The following SHANK2 variants were observed in gnomAD, a reference collection of about 807,000 sequenced individuals.
SHANK2 encodes SH3 and multiple ankyrin repeat domains 2, also known as SH3 and multiple ankyrin repeat domains protein 2.
In SHANK2, 43 loss-of-function variants were observed where a neutral mutation model predicts 133.7. The observed-to-expected ratio is 0.32, with a 90% confidence interval of 0.25 to 0.41. SHANK2 has a LOEUF of 0.41. SHANK2 is among the 10% of genes least tolerant of loss of function. The pLI, the probability that SHANK2 is intolerant of heterozygous loss-of-function variation, is 1.00. For missense variants in SHANK2, 1,994 were observed against 2,235.8 expected (o/e 0.89, Z 2.18); for synonymous variants, 1,017 against 952.8 (o/e 1.07, Z -1.24).
chr11:70,770,664 A>G (rs1947228295), intron 14 of SHANK2, among the ~76,000 whole-genome samples: 1 of 152,218 alleles, frequency 6.6e-6, no homozygotes, highest in East Asian at 1.9e-4. Context: ...GTAACCGTTT[A>G]CAAATAAAAA....
intron 17 of SHANK2, among the ~76,000 whole-genome samples, chr11:70,510,733 G>A (rs1226142049): frequency 1.3e-5 from 2 of 152,192 alleles, no homozygotes; most frequent in East Asian, 1.9e-4. Context: ...GCGAGTCATA[G>A]CACAGTGAGT....
intron 5 of SHANK2, among the ~76,000 whole-genome samples, chr11:71,110,488 C>T (rs373371168): frequency 7.2e-5 from 11 of 152,158 alleles, no homozygotes; most frequent in East Asian, 5.8e-4. Flanking sequence ...ACATGTGATT[C>T]CAGCTACTTG....
chr11:71,112,439 G>A (rs781853549), intron 5 of SHANK2, among the ~76,000 whole-genome samples: 1 of 152,242 alleles, frequency 6.6e-6, no homozygotes, highest in South Asian at 2.1e-4. Flanking sequence ...TAAGGAGGAG[G>A]GGCAGCAAAA....
At chr11:70,634,516 T>C (rs1263590353) in intron 17 of SHANK2, 13 of 152,214 alleles carry the variant, frequency 8.5e-5, no homozygotes, top group African/African-American at 3.1e-4. Flanking sequence ...GTATCCAGAA[T>C]GTGCAGAAAA....
In SHANK2 at chr11:70,555,053, C is replaced by T. The variant is rs541661493; in HGVS notation, c.2062-52122G>A. Among the ~76,000 whole-genome samples, 5 of 152,190 alleles carry T rather than the reference C, an allele frequency of 3.3e-5. No homozygotes were observed. In the South Asian group the frequency reaches 8.3e-4, roughly 25 times the overall value. On this transcript the variant is annotated intron_variant, in intron 17 of 25. Coordinates refer to ENST00000601538, the MANE Select transcript of SHANK2 (RefSeq NM_012309.5). ...ATATTCCAAACTTTCTGTCTGTTATCGTGATCTGTGATCTATACTTTTTGA... is the reference window on the plus strand; with the variant it reads ...ATATTCCAAACTTTCTGTCTGTTATTGTGATCTGTGATCTATACTTTTTGA...
intron 11 of SHANK2, among the ~76,000 whole-genome samples, chr11:70,866,336 A>C (rs1430162407): frequency 1.3e-5 from 2 of 152,160 alleles, no homozygotes; most frequent in Non-Finnish European, 2.9e-5. Context: ...GGATCTAGTC[A>C]CAGAAAATGG....
chr11:71,135,482 G>GTTTTTT (rs71949830), intron 3 of SHANK2, among the ~76,000 whole-genome samples: 3 of 115,672 alleles, frequency 2.6e-5, no homozygotes, highest in Non-Finnish European at 5.3e-5. Flanking sequence ...GGGGGGATAT[G>GTTTTTT]TTTTTTTTTT....
intron 3 of SHANK2, among the ~76,000 whole-genome samples, chr11:71,137,969 G>A (rs1555105101): frequency 6.6e-6 from 1 of 151,526 alleles, no homozygotes; most frequent in African/African-American, 2.4e-5. Context: ...TCTCACAATG[G>A]GCGGGCGCAC....
rs1414821157 is a variant in SHANK2 at position 71,210,220 on chromosome 11, A to G, written c.-13+14477T>C. Among the ~76,000 whole-genome samples the G allele has an allele frequency of 4.9e-4, 29 of 58,816 alleles. 1 individual carries two copies. Among genetic ancestry groups the G allele is most frequent in the Admixed American group, 3.3e-3 (18 of 5,474 alleles). The allele number at this position is 58,816 out of a possible 152,430, so 38.6% of individuals were successfully genotyped here. On this transcript the variant is annotated intron_variant, in intron 2 of 25. Coordinates refer to ENST00000601538, the MANE Select transcript of SHANK2 (RefSeq NM_012309.5). ...ATTGGAAATCCACAGGTATATATAT[A>G]TATATATATATATATATATATATAT...
chr11:70,891,607 G>A (rs1356149464), intron 11 of SHANK2, among the ~76,000 whole-genome samples: 3 of 152,164 alleles, frequency 2.0e-5, no homozygotes, highest in Non-Finnish European at 2.9e-5. Flanking sequence ...CCTTCTGCTG[G>A]TGCTCTGGGT....
intron 2 of SHANK2, among the ~76,000 whole-genome samples, chr11:71,222,001 C>T (rs1157113701): frequency 2.6e-5 from 4 of 152,138 alleles, no homozygotes; most frequent in African/African-American, 9.7e-5. Flanking sequence ...CAGGAGAAGC[C>T]GCTGGAGGGT....
chr11:70,896,442 G>T, intron 11 of SHANK2, 59 bp downstream of exon 11: 1 of 670,154 alleles, frequency 1.5e-6, no homozygotes, highest in East Asian at 2.8e-5. Context: ...GTGAGTGACT[G>T]ATTCCTCAGA....
At chr11:70,859,890 ACAGT>A (rs1175030792) in intron 11 of SHANK2, among the ~76,000 whole-genome samples, 58 of 152,258 alleles carry the variant, frequency 3.8e-4, no homozygotes, top group African/African-American at 1.3e-3. Context: ...ACCTCCAGGG[ACAGT>A]CAGAAACCAT....
Position 70,739,876 on chromosome 11 carries a change from G to A in SHANK2, c.1778-41113C>T, listed in dbSNP as rs149075010. On this transcript the variant is annotated intron_variant, in intron 14 of 25. Coordinates refer to ENST00000601538, the MANE Select transcript of SHANK2 (RefSeq NM_012309.5). This position sits in a 1 kb window ranked among gnomAD's most constrained non-coding sequence, Gnocchi z 4.3. The stretch of plus-strand genomic sequence containing the variant: ...CACCCACAGAGGACGGCCACGTGAA[G>A]ACAGGCCAGAGCCGCCGCAGAGGAT... 2.0e-5 allele frequency among the ~76,000 whole-genome samples: 3 copies of A among 152,360 alleles called. No homozygotes were observed. Among genetic ancestry groups the A allele is most frequent in the East Asian group, 1.9e-4 (1 of 5,178 alleles).
At chr11:70,637,584 C>T (rs1207707935) in intron 17 of SHANK2, among the ~76,000 whole-genome samples, 1 of 152,156 alleles carries the variant, frequency 6.6e-6, no homozygotes, top group African/African-American at 2.4e-5. Context: ...GCAGCCACTG[C>T]AGAGAGGGTG....
chr11:71,137,832 C>T (rs1362473006), intron 3 of SHANK2, among the ~76,000 whole-genome samples: 1 of 152,220 alleles, frequency 6.6e-6, no homozygotes, highest in Non-Finnish European at 1.5e-5. Flanking sequence ...CCATCAACTC[C>T]TAGAAGACAC....
intron 2 of SHANK2, among the ~76,000 whole-genome samples, chr11:71,201,331 C>T (rs568676569): frequency 5.3e-5 from 8 of 152,370 alleles, no homozygotes; most frequent in African/African-American, 1.9e-4. Context: ...CCGTTGTGAT[C>T]CCGAGGACAA....
chr11:71,146,926 G>A lies in SHANK2; in HGVS notation c.207+194C>T, dbSNP rs182405178. On this transcript the variant is annotated intron_variant, in intron 3 of 25. Coordinates refer to ENST00000601538, the MANE Select transcript of SHANK2 (RefSeq NM_012309.5). ...AGCAACAGCATGATGTGAGGCCAGCGGCAGCAGGGAGGGGAGGCGGGCACG... is the reference window on the plus strand; with the variant it reads ...AGCAACAGCATGATGTGAGGCCAGCAGCAGCAGGGAGGGGAGGCGGGCACG... Among the ~76,000 whole-genome samples, 29 of 152,300 alleles carry A rather than the reference G, an allele frequency of 1.9e-4. No homozygotes were observed. The East Asian group carries it at 4.2e-3, about 22-fold the overall frequency.
At chr11:71,194,054 G>C (rs1354363983) in intron 2 of SHANK2, among the ~76,000 whole-genome samples, 1 of 152,202 alleles carries the variant, frequency 6.6e-6, no homozygotes, top group Non-Finnish European at 1.5e-5. Context: ...GCTGAGTCAA[G>C]AGCAAGATCG....
Sources: gnomAD v4.1 joint callset for allele counts (sites outside exome capture counted in the v4.1 genomes callset) on GRCh38, gnomAD v4.1.1 for gene constraint, Gnocchi (gnomAD v3.1) non-coding constraint, MANE v1.5 for transcripts, NCBI Gene and HGNC (gene_info 2026-07-23, HGNC 2026-07-21) for gene names.